The following ME3 variants were observed in gnomAD, a reference collection of about 807,000 sequenced individuals.
The protein encoded by ME3 is NADP-dependent malic enzyme, mitochondrial.
In ME3, 48 loss-of-function variants were observed where a neutral mutation model predicts 68.9. The ratio of observed to expected loss-of-function variants is 0.70; its 90% CI spans 0.55 to 0.89. The LOEUF is 0.89. ME3 is among the 40% of genes least tolerant of loss of function. The pLI, the probability that ME3 is intolerant of heterozygous loss-of-function variation, is 0.00. For missense variants in ME3, 675 were observed against 797.4 expected (o/e 0.85, Z 1.85); for synonymous variants, 320 against 318.8 (o/e 1.00, Z -0.04).
intron 2 of ME3, among the ~76,000 whole-genome samples, chr11:86,670,768 AATTT>A (rs1446921494): frequency 1.2e-4 from 18 of 152,222 alleles, no homozygotes; most frequent in Non-Finnish European, 1.8e-4. Flanking sequence ...ATGAAAAAAA[AATTT>A]ATTTTGCAGT....
At chr11:86,614,769 CT>C (rs1258380760) in intron 2 of ME3, among the ~76,000 whole-genome samples, 3 of 152,104 alleles carry the variant, frequency 2.0e-5, no homozygotes, top group Non-Finnish European at 4.4e-5. Context: ...GGAAATTAAG[CT>C]TTTCAATATC....
At chr11:86,668,212 GT>G (rs1482334732) in intron 2 of ME3, 1 of 152,126 alleles carries the variant, frequency 6.6e-6, no homozygotes, top group Non-Finnish European at 1.5e-5. Flanking sequence ...TCTCTGTGGA[GT>G]TGCTTGGCTT....
intron 2 of ME3, among the ~76,000 whole-genome samples, chr11:86,588,217 T>A (rs1958851447): frequency 2.0e-5 from 3 of 152,168 alleles, no homozygotes; most frequent in African/African-American, 7.2e-5. Context: ...ATTGGCAGTA[T>A]CATAGTGTAG....
Position 86,620,530 on chromosome 11 carries a change from A to G in ME3, c.183+51232T>C, listed in dbSNP as rs141429758. 3.0e-3 allele frequency among the ~76,000 whole-genome samples: 454 copies of G among 152,348 alleles called. 1 individual carries two copies. The highest frequency in any genetic ancestry group is 6.6e-3 in the South Asian group (32 of 4,830). ...CATCTAAAAATAAGAGTGATATGCA[A>G]GGGGCTTTGGAGTTAGTATGTGAAA... is the stretch of plus-strand genomic sequence containing the variant. On this transcript the variant is annotated intron_variant, in intron 2 of 14. Transcript: ENST00000543262.
intron 4 of ME3, among the ~76,000 whole-genome samples, chr11:86,528,962 C>A (rs1954988745): frequency 6.6e-6 from 1 of 151,976 alleles, no homozygotes; most frequent in African/African-American, 2.4e-5. Flanking sequence ...GAAGCAGGAG[C>A]AAACACATTC....
intron 2 of ME3, among the ~76,000 whole-genome samples, chr11:86,602,642 A>G (rs1368573418): frequency 9.4e-4 from 143 of 152,278 alleles, no homozygotes; most frequent in African/African-American, 3.1e-3. Context: ...AGCCCGCATC[A>G]GTAAGTCAAT....
chr11:86,595,192 A>G (rs1298669015), intron 2 of ME3, among the ~76,000 whole-genome samples: 1 of 144,830 alleles, frequency 6.9e-6, no homozygotes, highest in Non-Finnish European at 1.5e-5. Context: ...AATATAAATA[A>G]AGAAATAAAA....
In ME3 at chr11:86,594,753, G is replaced by A. The variant is rs1174464725; in HGVS notation, c.184-34930C>T. ...GCTCTCCAAATGTGAAATTTCAAAA[G>A]ATTTTTCCTGCCTGCAGTGAGAAAA... On this transcript the variant is annotated intron_variant, in intron 2 of 14. Coordinates refer to ENST00000543262, the Ensembl canonical transcript of ME3. Among the ~76,000 whole-genome samples the A allele has an allele frequency of 2.0e-5, 3 of 146,526 alleles. 1 individual carries two copies. Among genetic ancestry groups the A allele is most frequent in the Admixed American group, 1.5e-4 (2 of 13,762 alleles).
chr11:86,439,730 G>T (rs1948922768), downstream of ME3, among the ~76,000 whole-genome samples: 1 of 152,116 alleles, frequency 6.6e-6, no homozygotes, highest in Non-Finnish European at 1.5e-5. Context: ...TAATTTATTT[G>T]ATCTTTTCAA....
chr11:86,525,879 A>AAAAAG (rs57843923), intron 4 of ME3, among the ~76,000 whole-genome samples: 1 of 150,700 alleles, frequency 6.6e-6, no homozygotes, highest in Non-Finnish European at 1.5e-5. Context: ...AAAAAAAAAA[A>AAAAAG]GGAGAGGGTG....
intron 9 of ME3, 145 bp downstream of exon 9, chr11:86,450,156 C>A: frequency 2.0e-6 from 2 of 981,106 alleles, no homozygotes; most frequent in Non-Finnish European, 3.1e-6. Context: ...ACCCAATTGT[C>A]AGAGCCTAGG....
At chr11:86,444,665 C>T (rs1268455311) in intron 13 of ME3, among the ~76,000 whole-genome samples, 2 of 152,110 alleles carry the variant, frequency 1.3e-5, no homozygotes, top group Non-Finnish European at 2.9e-5. Context: ...ACAAGACCAG[C>T]GATCTTGAGC....
chr11:86,590,458 C>T (rs890436444), intron 2 of ME3, among the ~76,000 whole-genome samples: 8 of 152,286 alleles, frequency 5.3e-5, no homozygotes, highest in African/African-American at 1.9e-4. Flanking sequence ...CTGGGAGGAG[C>T]AGTGGGGAAA....
At chr11:86,605,453 T>C (rs1006372692) in intron 2 of ME3, among the ~76,000 whole-genome samples, 8 of 152,176 alleles carry the variant, frequency 5.3e-5, no homozygotes, top group Non-Finnish European at 1.2e-4. Context: ...AAAATTATTC[T>C]GGTTTTAGAA....
chr11:86,639,326 AGAAT>A (rs1396225197), intron 2 of ME3, among the ~76,000 whole-genome samples: 2 of 152,238 alleles, frequency 1.3e-5, no homozygotes, highest in East Asian at 3.8e-4. Flanking sequence ...ATCCTATAAA[AGAAT>A]GAATAAGAAG....
intron 2 of ME3, among the ~76,000 whole-genome samples, chr11:86,628,046 G>T (rs1943772247): frequency 6.6e-6 from 1 of 152,244 alleles, no homozygotes; most frequent in Non-Finnish European, 1.5e-5. Flanking sequence ...GCAAAGAACA[G>T]CAACAGGTCC....
intron 4 of ME3, among the ~76,000 whole-genome samples, chr11:86,540,376 C>G (rs948235675): frequency 2.0e-5 from 3 of 152,152 alleles, no homozygotes; most frequent in Non-Finnish European, 4.4e-5. Flanking sequence ...ACATGTTAGC[C>G]CTGTATGTAA....
chr11:86,537,526 C>T (rs1285233828), intron 4 of ME3, among the ~76,000 whole-genome samples: 10 of 152,068 alleles, frequency 6.6e-5, no homozygotes, highest in Non-Finnish European at 1.2e-4. Context: ...TCATTTTTCC[C>T]CTTGGCCTTG....
At position 86,521,431 on chromosome 11, in the gene ME3, A is replaced by AAAAT. The variant is rs1271326906; in HGVS notation, c.468-12565_468-12564insATTT. Among the ~76,000 whole-genome samples the AAAAT allele has an allele frequency of 3.4e-3, 489 of 145,930 alleles. 6 individuals are homozygous for AAAAT. The highest frequency in any genetic ancestry group is 0.012 in the African/African-American group (471 of 38,866). ...AACAAAACAAAACAAAACAAAACAA[A>AAAAT]AATAATAATAATAATAATAATAAAA... On this transcript the variant is annotated intron_variant, in intron 4 of 14. Transcript: ENST00000543262.
Sources: allele counts gnomAD v4.1 joint callset (sites outside exome capture counted in the v4.1 genomes callset), GRCh38; gene constraint gnomAD v4.1.1; transcripts MANE v1.5; gene names NCBI Gene and HGNC (gene_info 2026-07-23, HGNC 2026-07-21).